The following TAFA2 variants were observed in gnomAD, a reference collection of about 807,000 sequenced individuals.
TAFA2 encodes chemokine-like protein TAFA-2.
A neutral mutation model predicts 18.8 loss-of-function variants in TAFA2; 7 were observed. The observed-to-expected ratio is 0.37, with a 90% confidence interval of 0.21 to 0.70. TAFA2 has a LOEUF of 0.70. Among genes scored for constraint, TAFA2 ranks in the 30% least tolerant of loss-of-function variants. The pLI is 0.53. For synonymous variants in TAFA2, 60 were observed against 54.2 expected (o/e 1.11, Z -0.47); for missense variants, 122 against 158.1 (o/e 0.77, Z 1.23).
intron 1 of TAFA2, among the ~76,000 whole-genome samples, chr12:62,000,418 A>G (rs1880341422): frequency 6.8e-6 from 1 of 146,426 alleles, no homozygotes; most frequent in Non-Finnish European, 1.5e-5. Context: ...GATGTGGAGT[A>G]CATGGACCTC....
At chr12:61,714,203 G>T (rs1194825103) in intron 4 of TAFA2, among the ~76,000 whole-genome samples, 4 of 152,068 alleles carry the variant, frequency 2.6e-5, no homozygotes, top group African/African-American at 7.2e-5. Flanking sequence ...GATTGTTATG[G>T]TTATGCCTTG....
intron 4 of TAFA2, among the ~76,000 whole-genome samples, chr12:61,729,490 T>C (rs1387592145): frequency 2.0e-5 from 3 of 151,998 alleles, no homozygotes; most frequent in Non-Finnish European, 4.4e-5. Flanking sequence ...TGAATTTCTT[T>C]CTTCTACTTG....
chr12:62,164,200 T>C (rs1255173999), intron 1 of TAFA2, among the ~76,000 whole-genome samples: 1 of 152,130 alleles, frequency 6.6e-6, no homozygotes, highest in East Asian at 1.9e-4. Context: ...GCTGAGTCCA[T>C]TGATCTGCGA....
intron 2 of TAFA2, among the ~76,000 whole-genome samples, chr12:61,840,887 T>G (rs1480551568): frequency 2.6e-5 from 4 of 152,072 alleles, no homozygotes; most frequent in African/African-American, 9.7e-5. Context: ...AACAGTTAGA[T>G]GCCAAAAATT....
chr12:62,203,833 C>T (rs1468496303), intron 1 of TAFA2, among the ~76,000 whole-genome samples: 3 of 152,120 alleles, frequency 2.0e-5, no homozygotes, highest in South Asian at 4.1e-4. Flanking sequence ...AGCCCATTTA[C>T]GTTTAAGGTT....
chr12:61,739,757 C>T (rs1868369715), intron 4 of TAFA2, among the ~76,000 whole-genome samples: 1 of 152,048 alleles, frequency 6.6e-6, no homozygotes, highest in African/African-American at 2.4e-5. Flanking sequence ...AATAGTTGGA[C>T]TGTCTGGCCA....
At chr12:61,778,378 C>T (rs1323683364) in intron 2 of TAFA2, among the ~76,000 whole-genome samples, 1 of 151,748 alleles carries the variant, frequency 6.6e-6, no homozygotes, top group Non-Finnish European at 1.5e-5. Context: ...GGCTTCTCAC[C>T]TGGGACTCAG....
At chr12:62,077,562 A>G (rs895729843) in intron 1 of TAFA2, among the ~76,000 whole-genome samples, 2 of 152,212 alleles carry the variant, frequency 1.3e-5, no homozygotes, top group African/African-American at 4.8e-5. Context: ...GGATTGTTAA[A>G]TCCCTCTAAG....
chr12:62,180,154 G>C (rs75054508), intron 1 of TAFA2, among the ~76,000 whole-genome samples: 8,241 of 152,138 alleles, frequency 0.054, 275 homozygotes, highest in African/African-American at 0.084. Flanking sequence ...TCCATGTATT[G>C]ATTTTAAATT....
At chr12:61,984,511 A>G (rs1879750434) in intron 1 of TAFA2, among the ~76,000 whole-genome samples, 1 of 152,208 alleles carries the variant, frequency 6.6e-6, no homozygotes, top group South Asian at 2.1e-4. Flanking sequence ...TTTCCATCAC[A>G]TATCTTGAAA....
At chr12:62,144,773 G>A (rs2062268969) in intron 1 of TAFA2, among the ~76,000 whole-genome samples, 1 of 152,114 alleles carries the variant, frequency 6.6e-6, no homozygotes, top group Non-Finnish European at 1.5e-5. Flanking sequence ...TCCCAAGGCT[G>A]GCAGTTTTTT....
intron 1 of TAFA2, among the ~76,000 whole-genome samples, chr12:61,927,114 T>C (rs141133276): frequency 0.015 from 2,184 of 146,290 alleles, 67 homozygotes; most frequent in African/African-American, 0.052. Flanking sequence ...AAGACAAGGA[T>C]GCCCTCTTTC....
intron 1 of TAFA2, among the ~76,000 whole-genome samples, chr12:62,023,410 A>G (rs569095601): frequency 6.6e-6 from 1 of 152,296 alleles, no homozygotes; most frequent in East Asian, 1.9e-4. Context: ...TCTAAATTTA[A>G]TAATCATATA....
intron 1 of TAFA2, among the ~76,000 whole-genome samples, chr12:62,202,097 A>AT: frequency 6.6e-6 from 1 of 151,870 alleles, no homozygotes; most frequent in African/African-American, 2.4e-5. Flanking sequence ...CCCCTTTATG[A>AT]TTTTTTATTG....
At chr12:62,124,209 G>T (rs759113083) in intron 1 of TAFA2, among the ~76,000 whole-genome samples, 1 of 151,696 alleles carries the variant, frequency 6.6e-6, no homozygotes, top group Non-Finnish European at 1.5e-5. Context: ...CAAGAGATAA[G>T]CTCTGGATTA....
chr12:61,931,494 G>A (rs778566759), intron 1 of TAFA2, among the ~76,000 whole-genome samples: 3 of 152,120 alleles, frequency 2.0e-5, no homozygotes, highest in African/African-American at 4.8e-5. Flanking sequence ...CATATTCTAC[G>A]GAAACAGTGA....
intron 1 of TAFA2, among the ~76,000 whole-genome samples, chr12:62,009,609 A>G (rs1437023811): frequency 6.6e-6 from 1 of 152,206 alleles, no homozygotes; most frequent in Non-Finnish European, 1.5e-5. Flanking sequence ...AAAATATATA[A>G]TTATGTGAAA....
intron 1 of TAFA2, among the ~76,000 whole-genome samples, chr12:62,206,493 T>C (rs2062692226): frequency 6.6e-6 from 1 of 152,228 alleles, no homozygotes. Flanking sequence ...CTATCAACCT[T>C]ATACTAAAAT....
chr12:62,167,394 C>T (rs1461248050), intron 1 of TAFA2, among the ~76,000 whole-genome samples: 1 of 152,136 alleles, frequency 6.6e-6, no homozygotes, highest in African/African-American at 2.4e-5. Flanking sequence ...AAACTGTTAA[C>T]TAATGTTACG....
Sources: allele counts gnomAD v4.1 joint callset (sites outside exome capture counted in the v4.1 genomes callset), GRCh38; gene constraint gnomAD v4.1.1; transcripts MANE v1.5; gene names NCBI Gene and HGNC (gene_info 2026-07-23, HGNC 2026-07-21).